The following IKBKE variants were observed in gnomAD, a reference collection of about 807,000 sequenced individuals.
IKBKE encodes inhibitor of nuclear factor kappa B kinase subunit epsilon, also known as inhibitor of nuclear factor kappa-B kinase subunit epsilon.
IKBKE carries 45 observed loss-of-function variants against 92.1 expected under a neutral mutation model. That is an observed-to-expected ratio of 0.49 (90% CI 0.38 to 0.63). The LOEUF (loss-of-function observed/expected upper bound fraction) is 0.63, where lower values mean the gene tolerates loss of function less well. Among genes scored for constraint, IKBKE ranks in the 20% least tolerant of loss-of-function variants. IKBKE has a pLI of 0.00. For missense variants in IKBKE, 700 were observed against 932.8 expected, an observed-to-expected ratio of 0.75 and a Z score of 3.25; for synonymous variants, 374 against 380.3, an observed-to-expected ratio of 0.98 and a Z score of 0.19.
rs1553385489 is a variant in IKBKE, at chr1:206,476,827, C to G, written c.690C>G (p.Asn230Lys). 1 of 1,614,230 alleles carries G rather than the reference C, an allele frequency of 6.2e-7. No individual in the cohort carries two copies. Among genetic ancestry groups the G allele is most frequent in the Non-Finnish European group, 8.5e-7 (1 of 1,180,022 alleles). The change falls in exon 7 of 22, where the codon AAC becomes AAG. Residue 230 changes from asparagine to lysine, a missense_variant. By Grantham distance (94) the Asn-to-Lys change is moderately conservative. Coordinates refer to ENST00000581977, the MANE Select transcript of IKBKE (RefSeq NM_014002.4). This position sits in a 1 kb window ranked among gnomAD's most constrained non-coding sequence, Gnocchi z 5.1. ...PFIPFGGPRR[N>K]KEIMYRITTE... ...TCCCCTTTGGTGGGCCACGGCGGAA[C>G]AAGGAGATCATGTACGGTGGGCCAC...
At position 206,476,181 on chromosome 1, in the gene IKBKE, T is replaced by C; in HGVS notation, c.359T>C (p.Val120Ala). 1 of 1,613,886 alleles carries C rather than the reference T, an allele frequency of 6.2e-7. No homozygotes were observed. The highest frequency in any genetic ancestry group is 8.5e-7 in the Non-Finnish European group (1 of 1,179,974). Residue 120 changes from valine (V) to alanine (A), a missense_variant and splice_region_variant, in exon 6 of 22, where the codon GTG (valine) becomes GCG (alanine). Coordinates refer to ENST00000581977, the MANE Select transcript of IKBKE (RefSeq NM_014002.4). The surrounding 1 kb of genome is among the most constrained non-coding windows in gnomAD (Gnocchi z 5.1). ...TAGTGGCCTCCCCGTCTGTCCCCAG[T>C]GGCCGGCATGAACCACCTGCGGGAG... The part of the protein sequence containing the change: ...DEFLVVLRCV[V>A]AGMNHLRENG...
chr1:206,477,693 G>A (rs1028793896), intron 7 of IKBKE, 56 bp from the exon 8 acceptor site: 22 of 1,091,404 alleles, frequency 2.0e-5, no homozygotes, highest in Admixed American at 1.3e-4. Context: ...TGAGTGTGTC[G>A]TTGCCCGGCA....
chr1:206,474,216 G>A (rs1664931006), intron 3 of IKBKE, 115 bp from the exon 4 acceptor site: 1 of 1,003,546 alleles, frequency 1.0e-6, no homozygotes, highest in Non-Finnish European at 1.5e-6. Context: ...AATCTCTGGG[G>A]TTGGGCTGGC....
chr1:206,473,811 A>C (rs1553384453), intron 3 of IKBKE, among the ~76,000 whole-genome samples: 1 of 151,722 alleles, frequency 6.6e-6, no homozygotes, highest in African/African-American at 2.4e-5. Flanking sequence ...AAAATACAAA[A>C]ATTAGCTGGG....
In IKBKE at chr1:206,476,499, A is replaced by G. The variant is rs1572240540; in HGVS notation, c.540+137A>G. 3.6e-6 allele frequency: 4 copies of G among 1,114,594 alleles called. No homozygotes were observed. In the East Asian group the frequency reaches 9.9e-5, roughly 28 times the overall value. 69.0% of individuals were successfully genotyped at this position (1,114,594 alleles called of 1,614,324 possible). A position where few individuals can be genotyped will look rare whatever the true frequency, so the allele number is the denominator to read the frequency against. ...TATGTCTCTCCCCTGTACCCCAACC[A>G]GAAGAATGCATTCTGTTCTCTAAGA... On this transcript the variant is annotated intron_variant, in intron 6 of 21. Coordinates refer to ENST00000581977, the MANE Select transcript of IKBKE (RefSeq NM_014002.4). The surrounding 1 kb of genome is among the most constrained non-coding windows in gnomAD (Gnocchi z 5.1).
At chr1:206,473,947 C>T (rs41296000) in intron 3 of IKBKE, among the ~76,000 whole-genome samples, 1,904 of 115,954 alleles carry the variant, frequency 0.016, 49 homozygotes, top group African/African-American at 0.063. Flanking sequence ...GGTGACAGAG[C>T]GAGGCTCCGT....
chr1:206,476,210 G>A lies in IKBKE; in HGVS notation c.388G>A (p.Gly130Ser), dbSNP rs147688366. Residue 130 changes from glycine (G) to serine (S), a missense_variant, in exon 6 of 22, where the codon GGC becomes AGC. Transcript: ENST00000581977. The surrounding 1 kb of genome is among the most constrained non-coding windows in gnomAD (Gnocchi z 5.1). ...VAGMNHLRENGIVHRDIKPGN... is the reference protein window; with the variant it reads ...VAGMNHLRENSIVHRDIKPGN... The stretch of plus-strand genomic sequence containing the variant: ...CGGCATGAACCACCTGCGGGAGAAC[G>A]GCATTGTGCATCGCGACATCAAGCC... The A allele has an allele frequency of 1.4e-5, 22 of 1,613,968 alleles. No individual in the cohort carries two copies. The highest frequency in any genetic ancestry group is 1.6e-4 in the Middle Eastern group (1 of 6,080).
rs1307869636 is a variant in IKBKE, at chr1:206,493,974, C to T, written c.2100C>T (p.Asn700=). 1.2e-6 allele frequency: 2 copies of T among 1,614,066 alleles called. No homozygotes were observed. The highest frequency in any genetic ancestry group is 4.5e-5 in the East Asian group (2 of 44,880). ...TGCTGGCATCTGACCTCCTGGACAACAACCGCATCATCGAACGGTAAGGAG... is the reference window on the plus strand; with the variant it reads ...TGCTGGCATCTGACCTCCTGGACAATAACCGCATCATCGAACGGTAAGGAG... The part of the protein sequence containing the change: ...MKLLASDLLD[N]NRIIERLNRV... Residue 700 remains asparagine, a synonymous_variant, in exon 21 of 22, where the codon AAC becomes AAT. Transcript: ENST00000581977.
chr1:206,480,000 C>A (rs1270101555), intron 11 of IKBKE, 22 bp from the exon 12 acceptor site: 17 of 1,611,520 alleles, frequency 1.1e-5, no homozygotes, highest in Non-Finnish European at 1.4e-5. Context: ...GGGACCTGGC[C>A]CTGTGCATCT....
rs371868116 is a variant in IKBKE, at chr1:206,476,394, T to C, written c.540+32T>C. 3.8e-6 allele frequency: 6 copies of C among 1,571,198 alleles called. No homozygotes were observed. The African/African-American group carries it at 6.7e-5, about 18-fold the overall frequency. On this transcript the variant is annotated intron_variant, in intron 6 of 21. Transcript: ENST00000581977. The surrounding 1 kb of genome is among the most constrained non-coding windows in gnomAD (Gnocchi z 5.1). ...GAGCTGCTCGAGACCCGCTGCCCTA[T>C]GCTGAGGGCTCCCCTTGCCTTGTGA...
intron 20 of IKBKE, 23 bp from the exon 21 acceptor site, chr1:206,493,897 T>C (rs1553391422): frequency 6.2e-7 from 1 of 1,611,816 alleles, no homozygotes; most frequent in Non-Finnish European, 8.5e-7. Context: ...CTCAGCCGCC[T>C]CTCCTGCCTC....
At position 206,493,045 on chromosome 1, in the gene IKBKE, C is replaced by G; in HGVS notation, c.1858C>G (p.His620Asp). The G allele has an allele frequency of 6.3e-7, 1 of 1,578,786 alleles. No individual in the cohort carries two copies. The highest frequency in any genetic ancestry group is 8.6e-7 in the Non-Finnish European group (1 of 1,161,708). Residue 620 changes from histidine (H) to aspartate (D), a missense_variant, in exon 19 of 22, where the codon CAC (histidine) becomes GAC (aspartate). Transcript: ENST00000581977. ...RMRVVHETRN[H>D]LRLVGCSVAA... ...GAGGGTGGTGCACGAGACCAGGAAC[C>G]ACCTGCGCCTGGTTGGCTGTTCTGT...
intron 16 of IKBKE, 101 bp downstream of exon 16, chr1:206,488,091 C>G (rs1269289204): frequency 7.1e-6 from 6 of 846,828 alleles, no homozygotes; most frequent in Non-Finnish European, 1.2e-5. Flanking sequence ...TAACCTCCAG[C>G]TAAGTGGCCG....
Position 206,485,063 on chromosome 1 carries a change from G to T in IKBKE, c.1494G>T (p.Arg498Ser), listed in dbSNP as rs1553388240. 1 of 1,613,890 alleles carries T rather than the reference G, an allele frequency of 6.2e-7. No homozygotes were observed. The highest frequency in any genetic ancestry group is 8.5e-7 in the Non-Finnish European group (1 of 1,179,740). Residue 498 changes from arginine (R) to serine (S), a missense_variant, in exon 14 of 22, where the codon AGG becomes AGT. Arg to Ser is a moderately radical substitution (Grantham distance 110). Coordinates refer to ENST00000581977, the MANE Select transcript of IKBKE (RefSeq NM_014002.4). The surrounding 1 kb of genome is among the most constrained non-coding windows in gnomAD (Gnocchi z 5.0). ...AGGCGGCTGCAGAACTGAGGTCCAG[G>T]CTGCGGACTGTGAGTGAGGCTGGAG... ...ELKAAAELRSRLRTLAEVLSR... is the reference protein window; with the variant it reads ...ELKAAAELRSSLRTLAEVLSR...
Position 206,490,870 on chromosome 1 carries a change from G to C in IKBKE, c.1733+12G>C. 6.2e-7 allele frequency: 1 copy of C among 1,613,736 alleles called. No individual in the cohort carries two copies. The highest frequency in any genetic ancestry group is 8.5e-7 in the Non-Finnish European group (1 of 1,179,680). On this transcript the variant is annotated intron_variant, in intron 17 of 21. Coordinates refer to ENST00000581977, the MANE Select transcript of IKBKE (RefSeq NM_014002.4). This position sits in a 1 kb window ranked among gnomAD's most constrained non-coding sequence, Gnocchi z 5.2. ...CACAAGCTGGATAAGTGAGTGGCCTGTCCTCCGGCAGGTGGGTGGGCAGGA... is the reference window on the plus strand; with the variant it reads ...CACAAGCTGGATAAGTGAGTGGCCTCTCCTCCGGCAGGTGGGTGGGCAGGA...
chr1:206,474,722 A>G (rs1355874413), intron 4 of IKBKE, 143 bp from the exon 5 acceptor site: 6 of 958,614 alleles, frequency 6.3e-6, no homozygotes, highest in Non-Finnish European at 9.2e-6. Context: ...GTGCGGGATC[A>G]GTGTGAGGCC....
intron 20 of IKBKE, 49 bp from the exon 21 acceptor site, chr1:206,493,871 C>A: frequency 1.3e-6 from 2 of 1,520,924 alleles, no homozygotes; most frequent in Non-Finnish European, 1.8e-6. Flanking sequence ...AGGGTCTGGG[C>A]AGGGCAACTT....
rs2103485223 is a variant in IKBKE, at chr1:206,493,120, G to A, written c.1932+1G>A. ...GGGGGTCCAGGAGAGTCTCAGCAAG[G>A]TGGGCATGGCAGAAGGATTCTAGGT... On this transcript the variant is annotated splice_donor_variant, in intron 19 of 21. Transcript: ENST00000581977. LOFTEE classifies it high-confidence loss of function. 1 of 1,589,274 alleles carries A rather than the reference G, an allele frequency of 6.3e-7. No individual in the cohort carries two copies. The highest frequency in any genetic ancestry group is 8.6e-7 in the Non-Finnish European group (1 of 1,168,844).
At chr1:206,471,641 C>T (rs570785097) in intron 2 of IKBKE, among the ~76,000 whole-genome samples, 109 of 152,282 alleles carry the variant, frequency 7.2e-4, no homozygotes, top group African/African-American at 2.5e-3. Context: ...CCAGCCTCAG[C>T]GGGGAAAACC....
Sources: allele counts gnomAD v4.1 joint callset (sites outside exome capture counted in the v4.1 genomes callset), GRCh38; gene constraint gnomAD v4.1.1; non-coding constraint Gnocchi (gnomAD v3.1); transcripts MANE v1.5; gene names NCBI Gene and HGNC (gene_info 2026-07-23, HGNC 2026-07-21).